Variants in SLC38A4 observed in about 807,000 individuals in gnomAD.
SLC38A4 encodes the protein solute carrier family 38 member 4, also known as sodium-coupled neutral amino acid transporter 4.
SLC38A4 carries 20 observed loss-of-function variants against 63.1 expected under a neutral mutation model. The observed-to-expected ratio is 0.32, with a 90% CI of 0.22 to 0.46. The LOEUF (loss-of-function observed/expected upper bound fraction) is 0.46, where lower values mean the gene tolerates loss of function less well. Among genes scored for constraint, SLC38A4 ranks in the 20% least tolerant of loss-of-function variants. The pLI is 1.00. For missense variants in SLC38A4, 526 were observed against 663.6 expected (o/e 0.79, Z 2.28); for synonymous variants, 230 against 225.5 (o/e 1.02, Z -0.18).
At chr12:46,792,621 G>A (rs1038970251) in intron 3 of SLC38A4, among the ~76,000 whole-genome samples, 1 of 152,176 alleles carries the variant, frequency 6.6e-6, no homozygotes, top group Admixed American at 6.5e-5. Flanking sequence ...GATACTTTTA[G>A]AGAGAAAAGA....
intron 16 of SLC38A4, among the ~76,000 whole-genome samples, chr12:46,768,054 G>C (rs1370975909): frequency 1.3e-5 from 2 of 152,110 alleles, no homozygotes; most frequent in African/African-American, 4.8e-5. Flanking sequence ...TTTGCCTGAA[G>C]CATATGTGTC....
chr12:46,778,313 A>G lies in SLC38A4; in HGVS notation c.1049T>C (p.Leu350Pro). ...VFAFVCHPEV[L>P]PIYSELKDRS... The stretch of plus-strand genomic sequence containing the variant: ...CTCTTTAAGTTCACTGTAGATGGGA[A>G]GGACCTCAGGGTGGCATACAAAAGC... The change falls in exon 12 of 17, where the codon CTT becomes CCT. Residue 350 changes from leucine to proline, a missense_variant. By Grantham distance (98) the Leu-to-Pro change is moderately conservative (BLOSUM62 -3). Transcript: ENST00000266579. 2 of 1,612,674 alleles carry G rather than the reference A, an allele frequency of 1.2e-6. No individual in the cohort carries two copies. Among genetic ancestry groups the G allele is most frequent in the Non-Finnish European group, 1.7e-6 (2 of 1,179,100 alleles).
intron 1 of SLC38A4, among the ~76,000 whole-genome samples, chr12:46,814,448 G>A (rs527689237): frequency 2.2e-4 from 34 of 152,062 alleles, no homozygotes; most frequent in African/African-American, 7.5e-4. Context: ...ACATGCAAGT[G>A]TACTGGCAGA....
At chr12:46,807,529 C>A (rs944637305) in intron 1 of SLC38A4, among the ~76,000 whole-genome samples, 5 of 151,870 alleles carry the variant, frequency 3.3e-5, no homozygotes, top group African/African-American at 1.2e-4. Context: ...TCTGCCTTTT[C>A]GTTTTCAGAC....
At chr12:46,780,130 C>T (rs1938609920) in intron 7 of SLC38A4, 100 bp from the exon 8 acceptor site, 1 of 882,644 alleles carries the variant, frequency 1.1e-6, no homozygotes, top group Non-Finnish European at 1.8e-6. Context: ...CATCTAATCC[C>T]CCAAATGGAA....
At chr12:46,823,035 C>T (rs1939582835) in intron 1 of SLC38A4, among the ~76,000 whole-genome samples, 3 of 152,136 alleles carry the variant, frequency 2.0e-5, no homozygotes, top group South Asian at 4.1e-4. Context: ...TGCATTACTT[C>T]CCTTCAAAGA....
intron 16 of SLC38A4, among the ~76,000 whole-genome samples, chr12:46,767,028 G>A (rs1938315086): frequency 6.6e-6 from 1 of 151,978 alleles, no homozygotes; most frequent in Non-Finnish European, 1.5e-5. Flanking sequence ...TGGAGTAATA[G>A]TTAATTGATT....
chr12:46,772,168 C>T (rs1012994678), intron 14 of SLC38A4, among the ~76,000 whole-genome samples: 1 of 150,194 alleles, frequency 6.7e-6, no homozygotes, highest in Non-Finnish European at 1.5e-5. Context: ...ATTGTTTAGA[C>T]GTAGCTCACA....
intron 1 of SLC38A4, among the ~76,000 whole-genome samples, chr12:46,814,736 C>G (rs1341196533): frequency 6.6e-6 from 1 of 151,956 alleles, no homozygotes; most frequent in Non-Finnish European, 1.5e-5. Flanking sequence ...GAATGGATGA[C>G]TGGCTCTCTT....
At chr12:46,785,935 GA>G (rs577131647) in intron 5 of SLC38A4, among the ~76,000 whole-genome samples, 78 of 151,200 alleles carry the variant, frequency 5.2e-4, no homozygotes, top group African/African-American at 1.7e-3. Flanking sequence ...CTGGAATTCA[GA>G]AAAAAAATCT....
chr12:46,781,184 G>A (rs150688503), intron 7 of SLC38A4, among the ~76,000 whole-genome samples: 16 of 152,088 alleles, frequency 1.1e-4, no homozygotes, highest in African/African-American at 3.6e-4. Context: ...TAAAAACTCC[G>A]AGATGTTAAG....
chr12:46,779,348 C>T (rs1246479551), intron 10 of SLC38A4, among the ~76,000 whole-genome samples: 5 of 151,814 alleles, frequency 3.3e-5, no homozygotes, highest in African/African-American at 9.7e-5. Context: ...TTGTCATGTT[C>T]CTGCTTGAAG....
intron 16 of SLC38A4, 134 bp downstream of exon 16, chr12:46,768,176 A>G: frequency 5.1e-6 from 3 of 588,578 alleles, no homozygotes; most frequent in Non-Finnish European, 8.9e-6. Flanking sequence ...CTCTGCTACC[A>G]GAAAGTTCTA....
intron 1 of SLC38A4, among the ~76,000 whole-genome samples, chr12:46,815,240 G>GATATATATATAT (rs56368111): frequency 2.2e-5 from 2 of 89,624 alleles, no homozygotes; most frequent in Non-Finnish European, 4.3e-5. Flanking sequence ...ATGGCTAAAG[G>GATATATATATAT]ATATATATAT....
chr12:46,786,500 G>A (rs1454261462), intron 5 of SLC38A4, among the ~76,000 whole-genome samples: 54 of 152,030 alleles, frequency 3.6e-4, no homozygotes. Context: ...TGTGGGATTG[G>A]GGGAAGTTTT....
rs1349524020 is a variant in SLC38A4, at chr12:46,808,524, A to T, written c.-304-4730T>A. Among the ~76,000 whole-genome samples the T allele has an allele frequency of 7.9e-4, 9 of 11,358 alleles. No individual in the cohort carries two copies. In the South Asian group the frequency reaches 0.01, roughly 13 times the overall value. The allele number at this position is 11,358 out of a possible 152,430, so 7.5% of individuals were successfully genotyped here. A position where few individuals can be genotyped will look rare whatever the true frequency, so the allele number is the denominator to read the frequency against. ...GCTGACAAAACAAGAAAATTAAATTAAAAAAAAAATCTGGTTAGACAACAG... is the reference window on the plus strand; with the variant it reads ...GCTGACAAAACAAGAAAATTAAATTTAAAAAAAAATCTGGTTAGACAACAG... On this transcript the variant is annotated intron_variant, in intron 1 of 16. Transcript: ENST00000266579.
At chr12:46,789,541 C>CTT (rs922741697) in intron 3 of SLC38A4, among the ~76,000 whole-genome samples, 16 of 152,220 alleles carry the variant, frequency 1.1e-4, no homozygotes, top group Admixed American at 3.3e-4. Context: ...AAGCCAGGGC[C>CTT]TTTGAGGCTA....
At chr12:46,783,227 T>TGATAGACA (rs1938683834) in intron 7 of SLC38A4, among the ~76,000 whole-genome samples, 1 of 143,708 alleles carries the variant, frequency 7.0e-6, no homozygotes, top group African/African-American at 2.6e-5. Flanking sequence ...AATTGATAGA[T>TGATAGACA]GATAGATAGA....
intron 3 of SLC38A4, among the ~76,000 whole-genome samples, chr12:46,791,681 CCAGA>C (rs1938891603): frequency 3.3e-5 from 5 of 152,142 alleles, no homozygotes; most frequent in Admixed American, 3.3e-4. Flanking sequence ...TCACTATGCA[CCAGA>C]CAATGTGGCA....
Sources: gnomAD v4.1 joint callset for allele counts (sites outside exome capture counted in the v4.1 genomes callset) on GRCh38, gnomAD v4.1.1 for gene constraint, MANE v1.5 for transcripts, NCBI Gene and HGNC (gene_info 2026-07-23, HGNC 2026-07-21) for gene names.